Variants in QDPR observed in about 807,000 individuals in gnomAD.
The protein encoded by QDPR is dihydropteridine reductase.
In QDPR, 23 loss-of-function variants were observed where a neutral mutation model predicts 31.7. The ratio of observed to expected loss-of-function variants is 0.73; its 90% confidence interval spans 0.52 to 1.03. The LOEUF (loss-of-function observed/expected upper bound fraction) is 1.03, where lower values mean the gene tolerates loss of function less well. Among genes scored for constraint, QDPR ranks in the 50% least tolerant of loss-of-function variants. QDPR has a pLI of 0.00. For missense variants in QDPR, 324 were observed against 323.8 expected, an observed-to-expected ratio of 1.00 and a Z score of 0.00; for synonymous variants, 124 against 124.7, an observed-to-expected ratio of 0.99 and a Z score of 0.03.
At chr4:17,489,759 A>G (rs1003614330) in intron 6 of QDPR, among the ~76,000 whole-genome samples, 1 of 152,198 alleles carries the variant, frequency 6.6e-6, no homozygotes, top group African/African-American at 2.4e-5. Context: ...TTCAAACATA[A>G]AACGCAAGTC....
chr4:17,505,442 T>A (rs1157266482), intron 2 of QDPR, among the ~76,000 whole-genome samples: 1 of 152,154 alleles, frequency 6.6e-6, no homozygotes, highest in African/African-American at 2.4e-5. Context: ...AGATGGGGTT[T>A]CGCCATGTTG....
chr4:17,508,709 C>G (rs1718881662), intron 2 of QDPR, among the ~76,000 whole-genome samples: 1 of 57,784 alleles, frequency 1.7e-5, no homozygotes, highest in Admixed American at 2.4e-4. Flanking sequence ...GAGTAACATA[C>G]AATATGCATA....
chr4:17,500,690 T>C (rs1309413909), intron 4 of QDPR, among the ~76,000 whole-genome samples: 1 of 152,162 alleles, frequency 6.6e-6, no homozygotes, highest in African/African-American at 2.4e-5. Flanking sequence ...AAAATAAATC[T>C]CTGTTGTTTA....
Position 17,489,439 on chromosome 4 carries a change from C to G in QDPR, c.629+1223G>C, listed in dbSNP as rs574617453. Among the ~76,000 whole-genome samples, 5 of 152,304 alleles carry G rather than the reference C, an allele frequency of 3.3e-5. No individual in the cohort carries two copies. In the South Asian group the frequency reaches 1.0e-3, roughly 32 times the overall value. On this transcript the variant is annotated intron_variant, in intron 6 of 6. Coordinates refer to ENST00000281243, the MANE Select transcript of QDPR (RefSeq NM_000320.3). ...ATTCAAACACAAACACAATTCAAAG[C>G]TTGATTTCCTCTACAACTTCAATTT...
chr4:17,512,075 T>G lies in QDPR; in HGVS notation c.-21A>C. The G allele has an allele frequency of 6.4e-7, 1 of 1,556,120 alleles. No homozygotes were observed. The highest frequency in any genetic ancestry group is 8.7e-7 in the Non-Finnish European group (1 of 1,154,146). On this transcript the variant is annotated 5_prime_UTR_variant, in exon 1 of 7. Transcript: ENST00000281243. ...GCCATCCTGCTCCTGCCAGCCCGGC[T>G]CCCGCAGCTCCGAATGCCTCGAGCC...
intron 5 of QDPR, 131 bp from the exon 6 acceptor site, chr4:17,490,876 T>A: frequency 1.4e-6 from 1 of 703,172 alleles, no homozygotes; most frequent in Non-Finnish European, 2.6e-6. Flanking sequence ...AGGGTGCTAT[T>A]TACATGGAAA....
At chr4:17,500,377 T>A (rs57907670) in intron 4 of QDPR, among the ~76,000 whole-genome samples, 5,647 of 152,288 alleles carry the variant, frequency 0.037, 367 homozygotes, top group African/African-American at 0.13. Context: ...ACAGGGAGTG[T>A]TATGGGCTGA....
chr4:17,488,785 A>G (rs1718058298), intron 6 of QDPR, among the ~76,000 whole-genome samples: 1 of 152,240 alleles, frequency 6.6e-6, no homozygotes. Flanking sequence ...GTAAAGGTCC[A>G]GTCATTCAGG....
chr4:17,504,251 C>G (rs1451844274), intron 3 of QDPR, 128 bp downstream of exon 3: 1 of 784,332 alleles, frequency 1.3e-6, no homozygotes, highest in African/African-American at 1.7e-5. Flanking sequence ...ACTCTCTCCC[C>G]GAGCAACTGT....
intron 2 of QDPR, among the ~76,000 whole-genome samples, chr4:17,505,620 G>A (rs999793913): frequency 3.3e-5 from 5 of 152,216 alleles, no homozygotes; most frequent in Non-Finnish European, 5.9e-5. Context: ...GGGAGGCAGA[G>A]GCAGAAGGAT....
At chr4:17,487,308 G>A in intron 6 of QDPR, 72 bp from the exon 7 acceptor site, 1 of 1,161,932 alleles carries the variant, frequency 8.6e-7, no homozygotes, top group Non-Finnish European at 1.3e-6. Context: ...CCTTCACAGT[G>A]ACGGCTTGTG....
chr4:17,492,418 A>G, intron 4 of QDPR, 78 bp from the exon 5 acceptor site: 1 of 1,168,032 alleles, frequency 8.6e-7, no homozygotes, highest in Non-Finnish European at 1.3e-6. Context: ...TTCTCTTGAG[A>G]TCTCTATTCC....
rs1436130389 is a variant in QDPR, at chr4:17,487,102, C to T, written c.*29G>A. On this transcript the variant is annotated 3_prime_UTR_variant, in exon 7 of 7. Coordinates refer to ENST00000281243, the MANE Select transcript of QDPR (RefSeq NM_000320.3). ...TGAGACAGGTTAGTGACTTTTCTGG[C>T]AGGCCCCTCATAGGCACTGAGATGA... 1 of 1,571,172 alleles carries T rather than the reference C, an allele frequency of 6.4e-7. No individual in the cohort carries two copies. Among genetic ancestry groups the T allele is most frequent in the Admixed American group, 1.7e-5 (1 of 59,960 alleles).
chr4:17,497,904 C>G (rs138460358), intron 4 of QDPR, among the ~76,000 whole-genome samples: 1 of 152,256 alleles, frequency 6.6e-6, no homozygotes, highest in African/African-American at 2.4e-5. Context: ...TCTTCCTTTC[C>G]TCCCACTATT....
intron 6 of QDPR, among the ~76,000 whole-genome samples, chr4:17,487,768 G>A (rs1417801193): frequency 2.0e-5 from 3 of 152,096 alleles, no homozygotes; most frequent in African/African-American, 7.2e-5. Flanking sequence ...TTTGAGGCCA[G>A]CCTGGACACA....
At chr4:17,505,243 CTTTT>C (rs1230268105) in intron 2 of QDPR, among the ~76,000 whole-genome samples, 1 of 103,296 alleles carries the variant, frequency 9.7e-6, no homozygotes, top group Non-Finnish European at 2.0e-5. Flanking sequence ...CTTAAGATTT[CTTTT>C]TTTTTTTTTT....
intron 5 of QDPR, 135 bp from the exon 6 acceptor site, chr4:17,490,880 A>G (rs1029446020): frequency 2.9e-6 from 2 of 695,940 alleles, no homozygotes; most frequent in Non-Finnish European, 5.2e-6. Context: ...TGCTATTTAC[A>G]TGGAAAGATC....
At chr4:17,505,380 G>A (rs553431920) in intron 2 of QDPR, among the ~76,000 whole-genome samples, 5 of 151,678 alleles carry the variant, frequency 3.3e-5, no homozygotes, top group African/African-American at 4.8e-5. Context: ...CTGAGTAGCC[G>A]GGATTACAGG....
At chr4:17,504,708 C>T (rs1718690437) in intron 2 of QDPR, among the ~76,000 whole-genome samples, 1 of 151,908 alleles carries the variant, frequency 6.6e-6, no homozygotes, top group Non-Finnish European at 1.5e-5. Flanking sequence ...TCTGTGTATA[C>T]ATTCTGAAAG....
Sources: gnomAD v4.1 joint callset for allele counts (sites outside exome capture counted in the v4.1 genomes callset) on GRCh38, gnomAD v4.1.1 for gene constraint, MANE v1.5 for transcripts, NCBI Gene and HGNC (gene_info 2026-07-23, HGNC 2026-07-21) for gene names.